The following CHEK2 variants were observed in gnomAD, a reference collection of about 807,000 sequenced individuals.
CHEK2 encodes the protein serine/threonine-protein kinase Chk2.
In CHEK2, 71 loss-of-function variants were observed where a neutral mutation model predicts 69.1. The ratio of observed to expected loss-of-function variants is 1.03; its 90% confidence interval spans 0.85 to 1.25. The LOEUF (loss-of-function observed/expected upper bound fraction) is 1.25. Ranked by LOEUF, CHEK2 falls within the 50% of genes most tolerant of loss-of-function variation. The pLI is 0.00. For missense variants in CHEK2, 664 were observed against 649.6 expected (o/e 1.02, Z -0.24); for synonymous variants, 189 against 226.9 (o/e 0.83, Z 1.50).
At chr22:28,699,658 C>T (rs1343589015) in intron 9 of CHEK2, 180 bp downstream of exon 9, 5 of 627,732 alleles carry the variant, frequency 8.0e-6, no homozygotes, top group Admixed American at 2.5e-5. Context: ...CACCGCGCCT[C>T]GCCAGTGAGA....
At chr22:28,693,963 T>C in intron 13 of CHEK2, 69 bp downstream of exon 13, 1 of 960,964 alleles carries the variant, frequency 1.0e-6, no homozygotes, top group Non-Finnish European at 1.7e-6. Context: ...TTCTGTCCTC[T>C]GTCTCATGTC....
intron 7 of CHEK2, among the ~76,000 whole-genome samples, chr22:28,707,830 C>CTTTTTTTTTTTTTTT (rs11453597): frequency 2.0e-5 from 2 of 102,464 alleles, no homozygotes; most frequent in Non-Finnish European, 3.7e-5. Context: ...TTGTGTTTAT[C>CTTTTTTTTTTTTTTT]TTTTTTTTTT....
intron 11 of CHEK2, 72 bp downstream of exon 11, chr22:28,695,638 A>G: frequency 7.5e-7 from 1 of 1,332,954 alleles, no homozygotes; most frequent in South Asian, 1.2e-5. Flanking sequence ...CCTGGACAAC[A>G]GAGCAAGACA....
At chr22:28,700,123 G>A (rs1191283389) in intron 8 of CHEK2, among the ~76,000 whole-genome samples, 186 bp from the exon 9 acceptor site, 1 of 151,946 alleles carries the variant, frequency 6.6e-6, no homozygotes, top group Admixed American at 6.6e-5. Flanking sequence ...GGAAACTAAG[G>A]AATGAGATGA....
intron 7 of CHEK2, among the ~76,000 whole-genome samples, chr22:28,704,244 T>C (rs926115352): frequency 2.0e-5 from 3 of 151,880 alleles, no homozygotes; most frequent in Admixed American, 2.0e-4. Flanking sequence ...TACTGCACAT[T>C]TTAAAATGCC....
At chr22:28,741,115 A>C (rs1356361706) in intron 1 of CHEK2, among the ~76,000 whole-genome samples, 2 of 142,608 alleles carry the variant, frequency 1.4e-5, no homozygotes, top group Non-Finnish European at 3.0e-5. Flanking sequence ...GCGCCACTGC[A>C]CTCCAGCCTG....
chr22:28,715,549 A>C (rs1420113385), intron 5 of CHEK2, among the ~76,000 whole-genome samples: 1 of 151,938 alleles, frequency 6.6e-6, no homozygotes, highest in Non-Finnish European at 1.5e-5. Context: ...CCTCCCAAGT[A>C]GCTGGGACTA....
chr22:28,696,907 A>T lies in CHEK2; in HGVS notation c.1089T>A (p.Leu363=). The T allele has an allele frequency of 1.2e-6, 2 of 1,606,402 alleles. No homozygotes were observed. Among genetic ancestry groups the T allele is most frequent in the Non-Finnish European group, 1.7e-6 (2 of 1,172,986 alleles). The change falls in exon 10 of 15, where the codon CTT becomes CTA. Residue 363 remains leucine, a synonymous_variant. Coordinates refer to ENST00000404276, the MANE Select transcript of CHEK2 (RefSeq NM_007194.4). ...VLLSSQEEDC[L]IKITDFGHSK... ...CAGAATGCCAATTTCTTACCTTTAT[A>T]AGACAGTCCTCTTCTTGAGATGACA...
At chr22:28,722,840 C>A (rs1462173068) in intron 4 of CHEK2, among the ~76,000 whole-genome samples, 2 of 152,122 alleles carry the variant, frequency 1.3e-5, no homozygotes, top group Non-Finnish European at 2.9e-5. Flanking sequence ...CCTCACCTTT[C>A]TGAGTAGCAG....
chr22:28,731,403 A>G (rs558410278), intron 2 of CHEK2, among the ~76,000 whole-genome samples: 2 of 152,298 alleles, frequency 1.3e-5, no homozygotes, highest in African/African-American at 4.8e-5. Flanking sequence ...GTTTGAAACC[A>G]GCCTGGCCAA....
At chr22:28,717,407 T>C (rs540835840) in intron 5 of CHEK2, among the ~76,000 whole-genome samples, 1 of 152,012 alleles carries the variant, frequency 6.6e-6, no homozygotes, top group East Asian at 1.9e-4. Flanking sequence ...TAACTCATCT[T>C]AACATGTAGT....
chr22:28,689,859 A>T (rs530936742), intron 13 of CHEK2, among the ~76,000 whole-genome samples: 1 of 152,194 alleles, frequency 6.6e-6, no homozygotes, highest in Non-Finnish European at 1.5e-5. Flanking sequence ...GTATGCGAGT[A>T]GCTCCCACCT....
rs1426802456 is a variant in CHEK2 at position 28,703,598 on chromosome 22, G to A, written c.847-32C>T. ...AGAGGGGGAGAAAAAAGGGAAAGTA[G>A]TGAGAAACTCCCAAGAGGAAAACCA... On this transcript the variant is annotated intron_variant, in intron 7 of 14. Coordinates refer to ENST00000404276, the MANE Select transcript of CHEK2 (RefSeq NM_007194.4). 8 of 1,370,250 alleles carry A rather than the reference G, an allele frequency of 5.8e-6. No individual in the cohort carries two copies. The South Asian group carries it at 9.6e-5, about 17-fold the overall frequency. The allele number at this position is 1,370,250 out of a possible 1,614,324, so 84.9% of individuals were successfully genotyped here. A position where few individuals can be genotyped will look rare whatever the true frequency, so the allele number is the denominator to read the frequency against.
In CHEK2 at chr22:28,712,018, C is replaced by A. The variant is rs1298667185; in HGVS notation, c.684-1G>T. 6.2e-7 allele frequency: 1 copy of A among 1,607,188 alleles called. No homozygotes were observed. Among genetic ancestry groups the A allele is most frequent in the Non-Finnish European group, 8.5e-7 (1 of 1,174,596 alleles). ...CAGCTTTACCTCTCCACAGGCACCA[C>A]TAGAGGGAAAAACAAAGATAGTGAT... is the stretch of plus-strand genomic sequence containing the variant. On this transcript the variant is annotated splice_acceptor_variant, in intron 5 of 14. Transcript: ENST00000404276. LOFTEE classifies it high-confidence loss of function.
intron 4 of CHEK2, among the ~76,000 whole-genome samples, chr22:28,722,327 T>A (rs1487267647): frequency 1.3e-5 from 2 of 150,686 alleles, no homozygotes; most frequent in Non-Finnish European, 1.5e-5. Flanking sequence ...GATCACGAGG[T>A]CAGGAGATGG....
Position 28,730,300 on chromosome 22 carries a change from G to A in CHEK2, c.319+4103C>T, listed in dbSNP as rs867918427. 9.7e-5 allele frequency: 41 copies of A among 422,130 alleles called. No individual in the cohort carries two copies. The Middle Eastern group carries it at 1.6e-3, about 17-fold the overall frequency. The allele number at this position is 422,130 out of a possible 1,614,324, so 26.1% of individuals were successfully genotyped here. A position where few individuals can be genotyped will look rare whatever the true frequency, so the allele number is the denominator to read the frequency against. On this transcript the variant is annotated intron_variant, in intron 2 of 14. Transcript: ENST00000404276. The stretch of plus-strand genomic sequence containing the variant: ...AGCGGAAGGGAAAGGAAAGGAAAGC[G>A]GAAGGGAAAGGAAAGCAGAAGGGAA...
rs886057329 is a variant in CHEK2 at position 28,741,787 on chromosome 22, G to A, written c.-25C>T. 6.2e-6 allele frequency: 3 copies of A among 483,220 alleles called. No individual in the cohort carries two copies. The highest frequency in any genetic ancestry group is 5.8e-5 in the African/African-American group (3 of 51,522). The allele number at this position is 483,220 out of a possible 1,614,324, so 29.9% of individuals were successfully genotyped here. On this transcript the variant is annotated 5_prime_UTR_variant, in exon 1 of 15. Transcript: ENST00000404276. ...GACTCACCGCGTGAGCCCACCTGGA[G>A]CCGCACACTCTCCGCAGCCTCAGCC...
chr22:28,717,039 A>G (rs773071385), intron 5 of CHEK2, among the ~76,000 whole-genome samples: 1 of 152,210 alleles, frequency 6.6e-6, no homozygotes, highest in Non-Finnish European at 1.5e-5. Flanking sequence ...AATGTTGAAC[A>G]GTGCCTCTCT....
intron 1 of CHEK2, among the ~76,000 whole-genome samples, chr22:28,739,419 G>A (rs2054499732): frequency 6.6e-6 from 1 of 152,202 alleles, no homozygotes; most frequent in Non-Finnish European, 1.5e-5. Flanking sequence ...CCCGGGTGCA[G>A]TGGCTCATGC....
Sources: allele counts gnomAD v4.1 joint callset (sites outside exome capture counted in the v4.1 genomes callset), GRCh38; gene constraint gnomAD v4.1.1; transcripts MANE v1.5; gene names NCBI Gene and HGNC (gene_info 2026-07-23, HGNC 2026-07-21).